Variants in TEX14 observed in about 807,000 individuals in gnomAD.
The protein encoded by TEX14 is inactive serine/threonine-protein kinase TEX14.
In TEX14, 168 loss-of-function variants were observed where a neutral mutation model predicts 178.6. That is an observed-to-expected ratio of 0.94 (90% CI 0.83 to 1.07). The LOEUF is 1.07. TEX14 is among the 50% of genes least tolerant of loss of function. The probability of loss-of-function intolerance (pLI) is 0.00; values close to 1 mark genes in which losing one functional copy is unlikely to be tolerated. For missense variants in TEX14, 1,730 were observed against 1,753.6 expected (o/e 0.99, Z 0.24); for synonymous variants, 626 against 634.1 (o/e 0.99, Z 0.19).
In TEX14 at chr17:58,624,145, G is replaced by A. The variant is rs113808283; in HGVS notation, c.252-1133C>T. ...AAAAATACAAAAAAATTAGCCGGGC[G>A]TAGGTGGTGCATACCTGTAGTCCCA... On this transcript the variant is annotated intron_variant, in intron 3 of 31. Coordinates refer to ENST00000349033, the MANE Select transcript of TEX14 (RefSeq NM_031272.5). 5.3e-5 allele frequency among the ~76,000 whole-genome samples: 8 copies of A among 151,954 alleles called. No individual in the cohort carries two copies. The East Asian group carries it at 9.8e-4, about 19-fold the overall frequency.
chr17:58,580,800 T>C (rs1003897892), intron 19 of TEX14, among the ~76,000 whole-genome samples: 3 of 152,154 alleles, frequency 2.0e-5, no homozygotes, highest in African/African-American at 7.2e-5. Context: ...TACAGGAGGT[T>C]CTTGTAAAAG....
At chr17:58,635,951 C>T (rs1163901714) in intron 2 of TEX14, among the ~76,000 whole-genome samples, 1 of 151,532 alleles carries the variant, frequency 6.6e-6, no homozygotes, top group Non-Finnish European at 1.5e-5. Flanking sequence ...CACCATGTTG[C>T]CCAGGCTGGT....
intron 26 of TEX14, among the ~76,000 whole-genome samples, chr17:58,567,292 G>C (rs1229868181): frequency 6.6e-6 from 1 of 152,144 alleles, no homozygotes; most frequent in East Asian, 1.9e-4. Context: ...AAAGCAAGTT[G>C]GGAGGCAGCA....
chr17:58,607,012 C>CAAAAAAA (rs35155837), intron 10 of TEX14, among the ~76,000 whole-genome samples: 2 of 92,624 alleles, frequency 2.2e-5, no homozygotes, highest in Non-Finnish European at 4.1e-5. Flanking sequence ...GCTACTGTCT[C>CAAAAAAA]AAAAAAAAAA....
intron 1 of TEX14, among the ~76,000 whole-genome samples, chr17:58,689,075 T>C (rs2047649258): frequency 6.8e-6 from 1 of 146,306 alleles, no homozygotes; most frequent in East Asian, 2.1e-4. Flanking sequence ...GGACTACAGG[T>C]GCCTGCCACC....
At position 58,611,239 on chromosome 17, in the gene TEX14, C is replaced by T. The variant is rs372570018; in HGVS notation, c.1106G>A (p.Arg369His). 19 of 1,613,474 alleles carry T rather than the reference C, an allele frequency of 1.2e-5. No homozygotes were observed. The African/African-American group carries it at 1.7e-4, about 15-fold the overall frequency. Residue 369 changes from arginine to histidine, a missense_variant, in exon 10 of 32, where the codon CGC (arginine) becomes CAC (histidine). By Grantham distance (29) the Arg-to-His change is conservative. Transcript: ENST00000349033. ...RYLHFQGFIH[R>H]SLSSYAVHII... ...ATGGACAGCATAGGAGCTGAGGGAG[C>T]GGTGGATAAACCCCTGGAAATGCAG... is the stretch of plus-strand genomic sequence containing the variant.
At position 58,559,492 on chromosome 17, in the gene TEX14, T is replaced by G. The variant is rs746605745; in HGVS notation, c.4228A>C (p.Arg1410=). 1.6e-5 allele frequency: 25 copies of G among 1,564,896 alleles called. No homozygotes were observed. Among genetic ancestry groups the G allele is most frequent in the Middle Eastern group, 1.7e-4 (1 of 5,950 alleles). The change falls in exon 30 of 32, where the codon AGA becomes CGA. Residue 1410 remains arginine, a synonymous_variant. Transcript: ENST00000349033. ...RKREDSITPE[R]RKSEGVLGTS... ...CCTAGAACACCCTCTGATTTCCTTC[T>G]TTCTGGTGTAATGCTATCTTCCCTT...
Position 58,659,214 on chromosome 17 carries a change from G to T in TEX14, c.-1-7212C>A. 5 of 269,128 alleles carry T rather than the reference G, an allele frequency of 1.9e-5. 1 individual carries two copies. Among genetic ancestry groups the T allele is most frequent in the Non-Finnish European group, 2.7e-5 (5 of 184,182 alleles). The allele number at this position is 269,128 out of a possible 1,614,324, so 16.7% of individuals were successfully genotyped here. A position where few individuals can be genotyped will look rare whatever the true frequency, so the allele number is the denominator to read the frequency against. Reference sequence around the variant, plus strand: ...ATGCAGCCGAGTTTTCTCATTCGGGGAAATCGCGGGAGCAAACACATAGTA... The same window carrying T: ...ATGCAGCCGAGTTTTCTCATTCGGGTAAATCGCGGGAGCAAACACATAGTA... On this transcript the variant is annotated intron_variant, in intron 1 of 31. Transcript: ENST00000349033.
chr17:58,561,510 G>T lies in TEX14; in HGVS notation c.4157+10C>A. The T allele has an allele frequency of 1.9e-6, 3 of 1,595,360 alleles. No individual in the cohort carries two copies. Among genetic ancestry groups the T allele is most frequent in the Non-Finnish European group, 2.6e-6 (3 of 1,163,434 alleles). ...AAGAAGAAAAGGATTCCCCTTTGGG[G>T]AACAATAACCTTTCAGAGCCCTTGG... On this transcript the variant is annotated intron_variant, in intron 29 of 31. Coordinates refer to ENST00000349033, the MANE Select transcript of TEX14 (RefSeq NM_031272.5).
At chr17:58,662,523 A>G (rs1364144235) in intron 1 of TEX14, among the ~76,000 whole-genome samples, 2 of 152,048 alleles carry the variant, frequency 1.3e-5, no homozygotes, top group African/African-American at 4.8e-5. Context: ...ATGGAGAAAC[A>G]CAGCCCCTCA....
At chr17:58,688,781 T>G (rs1043901207) in intron 1 of TEX14, among the ~76,000 whole-genome samples, 3 of 152,152 alleles carry the variant, frequency 2.0e-5, no homozygotes, top group African/African-American at 7.2e-5. Flanking sequence ...TAACCTCAAG[T>G]TGCAAGAAAA....
chr17:58,676,851 C>A (rs2047403039), intron 1 of TEX14, among the ~76,000 whole-genome samples: 1 of 152,034 alleles, frequency 6.6e-6, no homozygotes, highest in Non-Finnish European at 1.5e-5. Context: ...AGCCAGCTGA[C>A]CAGGTGGGGT....
intron 11 of TEX14, among the ~76,000 whole-genome samples, chr17:58,603,897 G>C (rs1195424863): frequency 4.2e-5 from 2 of 47,264 alleles, no homozygotes; most frequent in African/African-American, 5.0e-5. Flanking sequence ...CTGTGTGTGT[G>C]TGTGTGTGTG....
intron 1 of TEX14, among the ~76,000 whole-genome samples, chr17:58,655,117 A>G (rs2046925674): frequency 7.0e-6 from 1 of 142,436 alleles, no homozygotes; most frequent in African/African-American, 2.6e-5. Context: ...AAGTGCAGCC[A>G]TTCTCCTGCC....
intron 11 of TEX14, among the ~76,000 whole-genome samples, chr17:58,604,071 G>T: frequency 6.6e-6 from 1 of 151,948 alleles, no homozygotes; most frequent in East Asian, 1.9e-4. Context: ...TGGACACAGG[G>T]TGTGTTTCAT....
chr17:58,573,338 G>T (rs752853021), intron 22 of TEX14, 30 bp from the exon 23 acceptor site: 3 of 1,603,814 alleles, frequency 1.9e-6, no homozygotes, highest in Non-Finnish European at 2.6e-6. Context: ...CAGTAATGAT[G>T]AGAAGATGAC....
At chr17:58,574,605 C>T (rs753679948) in intron 21 of TEX14, among the ~76,000 whole-genome samples, 3 of 126,332 alleles carry the variant, frequency 2.4e-5, no homozygotes, top group East Asian at 2.7e-4. Flanking sequence ...ACCCAGGAGG[C>T]GGAGGTTGCA....
At chr17:58,610,187 G>A (rs1314317429) in intron 10 of TEX14, among the ~76,000 whole-genome samples, 2 of 152,236 alleles carry the variant, frequency 1.3e-5, no homozygotes, top group Non-Finnish European at 2.9e-5. Flanking sequence ...TCACTGTGCT[G>A]AGCCCCTTGA....
Position 58,587,917 on chromosome 17 carries a change from C to A in TEX14, c.2681G>T (p.Ser894Ile). Residue 894 changes from serine to isoleucine, a missense_variant, in exon 16 of 32, where the codon AGC becomes ATC. This residue lies in a region of TEX14 where 941 missense variants were observed against 1,072.4 expected (regional missense o/e 0.88). Coordinates refer to ENST00000349033, the MANE Select transcript of TEX14 (RefSeq NM_031272.5). ...TTACCTGGTAGAGTCCCAGTGACAGCTGGGTGATGCAGAAGGTCCCTGCCG... is the reference window on the plus strand; with the variant it reads ...TTACCTGGTAGAGTCCCAGTGACAGATGGGTGATGCAGAAGGTCCCTGCCG... The part of the protein sequence containing the change: ...SHRQGPSASP[S>I]CHWDSTRMSV... 1 of 1,613,340 alleles carries A rather than the reference C, an allele frequency of 6.2e-7. No individual in the cohort carries two copies. The highest frequency in any genetic ancestry group is 8.5e-7 in the Non-Finnish European group (1 of 1,179,624).
Sources: gnomAD v4.1 joint callset for allele counts (sites outside exome capture counted in the v4.1 genomes callset) on GRCh38, gnomAD v4.1.1 for gene constraint, gnomAD v4.1.1 regional missense constraint, MANE v1.5 for transcripts, NCBI Gene and HGNC (gene_info 2026-07-23, HGNC 2026-07-21) for gene names.